The following AGBL4 variants were observed in gnomAD, a reference collection of about 807,000 sequenced individuals.
AGBL4 encodes AGBL carboxypeptidase 4.
In AGBL4, 58 loss-of-function variants were observed where a neutral mutation model predicts 66.4. That is an observed-to-expected ratio of 0.87 (90% confidence interval 0.71 to 1.09). AGBL4 has a LOEUF of 1.09. Ranked by LOEUF, AGBL4 falls within the 50% of genes least tolerant of loss-of-function variation. The pLI is 0.00. For missense variants in AGBL4, 579 were observed against 631.0 expected, an observed-to-expected ratio of 0.92 and a Z score of 0.88; for synonymous variants, 234 against 222.9, an observed-to-expected ratio of 1.05 and a Z score of -0.44.
intron 3 of AGBL4, among the ~76,000 whole-genome samples, chr1:49,316,521 G>A (rs1032124627): frequency 6.6e-6 from 1 of 151,808 alleles, no homozygotes; most frequent in African/African-American, 2.4e-5. Context: ...AACGAGAGTT[G>A]CAAAGCAGAA....
At chr1:49,106,040 T>A (rs1645286537) in intron 4 of AGBL4, among the ~76,000 whole-genome samples, 1 of 152,196 alleles carries the variant, frequency 6.6e-6, no homozygotes, top group Non-Finnish European at 1.5e-5. Context: ...TGAAAACATA[T>A]CTTTTACAGC....
At chr1:49,148,490 C>T (rs770456420) in intron 4 of AGBL4, among the ~76,000 whole-genome samples, 6 of 152,168 alleles carry the variant, frequency 3.9e-5, no homozygotes, top group Non-Finnish European at 7.3e-5. Context: ...ACTGAAACTG[C>T]TGAGCCAGGC....
At chr1:49,888,491 A>C (rs981308243) in intron 1 of AGBL4, among the ~76,000 whole-genome samples, 9 of 152,182 alleles carry the variant, frequency 5.9e-5, no homozygotes, top group African/African-American at 2.2e-4. Context: ...TAGTGACAAT[A>C]ACAAATTTGT....
At chr1:48,564,555 G>T (rs985096680) in intron 11 of AGBL4, among the ~76,000 whole-genome samples, 2 of 151,982 alleles carry the variant, frequency 1.3e-5, no homozygotes, top group South Asian at 4.2e-4. Context: ...CTATGCTTTT[G>T]TTTCCATACT....
intron 3 of AGBL4, among the ~76,000 whole-genome samples, chr1:49,348,248 C>G (rs532372969): frequency 8.5e-5 from 13 of 152,064 alleles, no homozygotes; most frequent in Admixed American, 3.3e-4. Flanking sequence ...GAACCCCTGT[C>G]TCTACTAAAA....
At chr1:49,054,369 A>G (rs1375002970) in intron 4 of AGBL4, among the ~76,000 whole-genome samples, 1 of 152,068 alleles carries the variant, frequency 6.6e-6, no homozygotes, top group Non-Finnish European at 1.5e-5. Flanking sequence ...GGTAGTGCTG[A>G]TACAGCTTAT....
intron 3 of AGBL4, among the ~76,000 whole-genome samples, chr1:49,584,756 G>T (rs1644615172): frequency 6.6e-6 from 1 of 152,132 alleles, no homozygotes; most frequent in African/African-American, 2.4e-5. Context: ...TAGCTTCAGG[G>T]TATATCTGCC....
intron 5 of AGBL4, among the ~76,000 whole-genome samples, chr1:48,975,897 C>T (rs1405180503): frequency 2.0e-5 from 3 of 152,170 alleles, no homozygotes; most frequent in Admixed American, 6.6e-5. Flanking sequence ...GTTTTATAGT[C>T]CCCAAATCAG....
At chr1:49,598,565 T>C (rs1436559344) in intron 3 of AGBL4, among the ~76,000 whole-genome samples, 1 of 152,112 alleles carries the variant, frequency 6.6e-6, no homozygotes, top group Non-Finnish European at 1.5e-5. Flanking sequence ...TCTCTGATTG[T>C]TCCTCTGGAA....
Position 49,971,932 on chromosome 1 carries a change from T to G in AGBL4, c.34+51831A>C, listed in dbSNP as rs1344038760. ...GTTTTTTTTTTTTTTTTTTTTTTTTTGCAGGGACGGAGTCTCGCTCTGTCA... is the reference window on the plus strand; with the variant it reads ...GTTTTTTTTTTTTTTTTTTTTTTTTGGCAGGGACGGAGTCTCGCTCTGTCA... On this transcript the variant is annotated intron_variant, in intron 1 of 13. Coordinates refer to ENST00000371839, the MANE Select transcript of AGBL4 (RefSeq NM_032785.4). Among the ~76,000 whole-genome samples the G allele has an allele frequency of 5.8e-4, 77 of 132,486 alleles. 3 individuals carry two copies. The highest frequency in any genetic ancestry group is 2.1e-3 in the African/African-American group (73 of 35,114). 86.9% of individuals were successfully genotyped at this position (132,486 alleles called of 152,430 possible).
intron 2 of AGBL4, among the ~76,000 whole-genome samples, chr1:49,848,884 T>C (rs1489970623): frequency 1.3e-5 from 2 of 152,206 alleles, no homozygotes; most frequent in African/African-American, 4.8e-5. Context: ...TATAGAGATA[T>C]GCAAAATAAC....
chr1:49,126,225 A>T (rs1406307388), intron 4 of AGBL4, among the ~76,000 whole-genome samples: 1 of 152,178 alleles, frequency 6.6e-6, no homozygotes, highest in African/African-American at 2.4e-5. Context: ...AATAGAAATC[A>T]GTTTACCGTT....
At chr1:49,489,526 C>T (rs768252778) in intron 3 of AGBL4, among the ~76,000 whole-genome samples, 2 of 151,014 alleles carry the variant, frequency 1.3e-5, no homozygotes, top group Non-Finnish European at 3.0e-5. Flanking sequence ...TGTGCAGAAG[C>T]TTTTTACATT....
At chr1:49,103,880 C>T (rs995494949) in intron 4 of AGBL4, among the ~76,000 whole-genome samples, 2 of 152,138 alleles carry the variant, frequency 1.3e-5, no homozygotes, top group African/African-American at 4.8e-5. Flanking sequence ...TCATCATAAT[C>T]CCCCCTTTCC....
At chr1:50,011,157 A>C (rs937085613) in intron 1 of AGBL4, among the ~76,000 whole-genome samples, 1 of 152,204 alleles carries the variant, frequency 6.6e-6, no homozygotes, top group Non-Finnish European at 1.5e-5. Flanking sequence ...ATTAATAACA[A>C]GAATATATAA....
chr1:49,323,915 A>C (rs1413826732), intron 3 of AGBL4, among the ~76,000 whole-genome samples: 1 of 152,166 alleles, frequency 6.6e-6, no homozygotes, highest in Non-Finnish European at 1.5e-5. Flanking sequence ...GTTTATAATG[A>C]ATTCTAATAT....
Position 48,766,153 on chromosome 1 carries a change from T to C in AGBL4, c.634+101038A>G, listed in dbSNP as rs74324586. On this transcript the variant is annotated intron_variant, in intron 6 of 13. Transcript: ENST00000371839. ...GTCTACTACATGTCAGATACCTCTA[T>C]AAAGATCTTCATATAAATTATACCT... Among the ~76,000 whole-genome samples the C allele has an allele frequency of 8.7e-4, 132 of 152,316 alleles. 6 individuals carry two copies. The East Asian group carries it at 0.021, about 24-fold the overall frequency.
chr1:49,948,170 A>C (rs1196408606), intron 1 of AGBL4, among the ~76,000 whole-genome samples: 1 of 102,308 alleles, frequency 9.8e-6, no homozygotes, highest in Non-Finnish European at 1.7e-5. Context: ...AAATATATAA[A>C]TATATATAAC....
In AGBL4 at chr1:49,171,488, C is replaced by CT. The variant is rs780317838; in HGVS notation, c.377+74281dup. Among the ~76,000 whole-genome samples, 144 of 149,732 alleles carry CT rather than the reference C, an allele frequency of 9.6e-4. 1 individual carries two copies. The highest frequency in any genetic ancestry group is 7.9e-3 in the East Asian group (40 of 5,090). ...GAAACAGATTAACATTTTAAAAAGA[C>CT]TTTTTTTTTTCCTGCAAGGATATAT... On this transcript the variant is annotated intron_variant, in intron 4 of 13. Coordinates refer to ENST00000371839, the MANE Select transcript of AGBL4 (RefSeq NM_032785.4).
Sources: gnomAD v4.1 joint callset for allele counts (sites outside exome capture counted in the v4.1 genomes callset) on GRCh38, gnomAD v4.1.1 for gene constraint, MANE v1.5 for transcripts, NCBI Gene and HGNC (gene_info 2026-07-23, HGNC 2026-07-21) for gene names.